BUB1B: variants seen among roughly 807,000 people sequenced by gnomAD.
BUB1B encodes the protein BUB1 mitotic checkpoint serine/threonine kinase B, also known as mitotic checkpoint serine/threonine-protein kinase BUB1 beta.
BUB1B carries 86 observed loss-of-function variants against 137.7 expected under a neutral mutation model. The ratio of observed to expected loss-of-function variants is 0.62; its 90% CI spans 0.52 to 0.75. The LOEUF (loss-of-function observed/expected upper bound fraction) is 0.75. BUB1B is among the 30% of genes least tolerant of loss of function. The pLI, the probability that BUB1B is intolerant of heterozygous loss-of-function variation, is 0.00. For synonymous variants in BUB1B, 420 were observed against 417.9 expected (o/e 1.00, Z -0.06); for missense variants, 1,130 against 1,236.9 (o/e 0.91, Z 1.30).
At chr15:40,212,258 C>T (rs895785272) in intron 18 of BUB1B, among the ~76,000 whole-genome samples, 2 of 152,226 alleles carry the variant, frequency 1.3e-5, no homozygotes, top group East Asian at 1.9e-4. Context: ...GTAAATGTAG[C>T]TCAGCTTTCT....
chr15:40,217,716 C>G (rs765965805), intron 21 of BUB1B, 49 bp downstream of exon 21: 2 of 1,599,532 alleles, frequency 1.3e-6, no homozygotes, highest in South Asian at 2.2e-5. Flanking sequence ...TTCTTAATCT[C>G]TTTATTATCT....
chr15:40,216,067 G>A (rs902772767), intron 20 of BUB1B, among the ~76,000 whole-genome samples: 2 of 152,106 alleles, frequency 1.3e-5, no homozygotes, highest in East Asian at 1.9e-4. Flanking sequence ...TGATTAGAGG[G>A]CTAGGACACC....
chr15:40,174,036 C>G (rs965680584), intron 4 of BUB1B: 4 of 392,870 alleles, frequency 1.0e-5, no homozygotes, highest in African/African-American at 8.6e-5. Flanking sequence ...GTTTATTTAA[C>G]TTTTAGATCT....
At position 40,164,908 on chromosome 15, in the gene BUB1B, A is replaced by ATAT; in HGVS notation, c.36-144_36-142dup. 3.8e-6 allele frequency: 4 copies of ATAT among 1,041,574 alleles called. No individual in the cohort carries two copies. The East Asian group carries it at 1.1e-4, about 28-fold the overall frequency. The allele number at this position is 1,041,574 out of a possible 1,614,324, so 64.5% of individuals were successfully genotyped here. A position where few individuals can be genotyped will look rare whatever the true frequency, so the allele number is the denominator to read the frequency against. ...AAACAGCTAACAAAGAAGCTTAGGCATATAATAATAATAATAATTATGTGT... is the reference window on the plus strand; with the variant it reads ...AAACAGCTAACAAAGAAGCTTAGGCATATTATAATAATAATAATAATTATGTGT... On this transcript the variant is annotated intron_variant, in intron 1 of 22. Transcript: ENST00000287598.
intron 5 of BUB1B, among the ~76,000 whole-genome samples, chr15:40,180,642 C>CTTTTTTTTTTT (rs71132149): frequency 1.2e-3 from 77 of 65,752 alleles, no homozygotes; most frequent in Non-Finnish European, 1.4e-3. Flanking sequence ...TTTTCTTTTT[C>CTTTTTTTTTTT]TTTTTTTTTT....
At chr15:40,201,904 C>G (rs764390901) in intron 12 of BUB1B, among the ~76,000 whole-genome samples, 1 of 152,016 alleles carries the variant, frequency 6.6e-6, no homozygotes, top group Non-Finnish European at 1.5e-5. Flanking sequence ...CTCCTGACCT[C>G]GTGATCCGCC....
Position 40,213,416 on chromosome 15 carries a change from C to T in BUB1B, c.2620C>T (p.His874Tyr), listed in dbSNP as rs1224008921. 6.2e-7 allele frequency: 1 copy of T among 1,614,046 alleles called. No individual in the cohort carries two copies. Among genetic ancestry groups the T allele is most frequent in the Admixed American group, 1.7e-5 (1 of 60,002 alleles). The change falls in exon 20 of 23, where the codon CAC becomes TAC. Residue 874 changes from histidine to tyrosine, a missense_variant. By Grantham distance (83) the His-to-Tyr change is moderately conservative. Transcript: ENST00000287598. ...YNLLTIVEML[H>Y]KAEIVHGDLS... Reference sequence around the variant, plus strand: ...CCTTTTGACAATAGTGGAGATGCTACACAAAGCAGAAATAGTCCATGGTGA... The same window carrying T: ...CCTTTTGACAATAGTGGAGATGCTATACAAAGCAGAAATAGTCCATGGTGA...
chr15:40,218,407 G>C (rs751064176), intron 21 of BUB1B, 49 bp from the exon 22 acceptor site: 6 of 1,355,664 alleles, frequency 4.4e-6, no homozygotes, highest in Non-Finnish European at 6.3e-6. Context: ...AAGCTGCCAT[G>C]GTAGAGGCAG....
intron 8 of BUB1B, among the ~76,000 whole-genome samples, chr15:40,186,009 T>A (rs2037356735): frequency 6.6e-6 from 1 of 152,244 alleles, no homozygotes; most frequent in Non-Finnish European, 1.5e-5. Context: ...TACTGAACAT[T>A]GCTTTAGGAA....
chr15:40,178,287 A>G (rs371766490), intron 5 of BUB1B, among the ~76,000 whole-genome samples: 5 of 152,020 alleles, frequency 3.3e-5, no homozygotes, highest in African/African-American at 4.8e-5. Flanking sequence ...TTAGTTCAAA[A>G]TATTTTCTAG....
chr15:40,172,157 G>GTAATAAAGTAAGAAA (rs2037170640), intron 4 of BUB1B, among the ~76,000 whole-genome samples: 1 of 149,370 alleles, frequency 6.7e-6, no homozygotes, highest in African/African-American at 2.5e-5. Context: ...CTTACTAAAA[G>GTAATAAAGTAAGAAA]TAATAAAGTA....
intron 8 of BUB1B, among the ~76,000 whole-genome samples, chr15:40,186,379 A>G (rs1375699882): frequency 6.6e-6 from 1 of 151,772 alleles, no homozygotes; most frequent in African/African-American, 2.4e-5. Flanking sequence ...GCTGGTGGTT[A>G]AATAAACAAG....
chr15:40,206,489 AGATT>A, intron 15 of BUB1B, 31 bp downstream of exon 15: 1 of 1,613,520 alleles, frequency 6.2e-7, no homozygotes, highest in Non-Finnish European at 8.5e-7. Context: ...TTTACAAACC[AGATT>A]GTTTACTCTC....
chr15:40,174,430 A>T (rs1443358240), intron 4 of BUB1B, among the ~76,000 whole-genome samples: 2 of 152,232 alleles, frequency 1.3e-5, no homozygotes, highest in Non-Finnish European at 2.9e-5. Flanking sequence ...CTAGACCATG[A>T]TTAAGGGCTG....
At position 40,170,605 on chromosome 15, in the gene BUB1B, A is replaced by G; in HGVS notation, c.308A>G (p.Glu103Gly). The change falls in exon 4 of 23, where the codon GAA becomes GGA. Residue 103 changes from glutamate to glycine, a missense_variant. Physicochemically the swap from Glu to Gly is moderately conservative, Grantham distance 98. Transcript: ENST00000287598. ...GAGAGTAATATGTCAACGTTATTAG[A>G]AAGAGCTGTAGAAGCACTACAAGGA... ...GKESNMSTLLERAVEALQGEK... is the reference protein window; with the variant it reads ...GKESNMSTLLGRAVEALQGEK... The G allele has an allele frequency of 6.2e-7, 1 of 1,613,196 alleles. No individual in the cohort carries two copies. Among genetic ancestry groups the G allele is most frequent in the Non-Finnish European group, 8.5e-7 (1 of 1,179,160 alleles).
At chr15:40,166,257 T>G in intron 2 of BUB1B, 1 of 363,186 alleles carries the variant, frequency 2.8e-6, no homozygotes, top group Non-Finnish European at 5.3e-6. Flanking sequence ...ATTTAGATTC[T>G]TCCAGTTTTG....
rs201514214 is a variant in BUB1B, at chr15:40,198,106, C to T, written c.1288+1332C>T. Among the ~76,000 whole-genome samples, 30 of 152,156 alleles carry T rather than the reference C, an allele frequency of 2.0e-4. 1 individual carries two copies. The East Asian group carries it at 5.8e-3, about 29-fold the overall frequency. Reference sequence around the variant, plus strand: ...CCTGGGCAACATGGTGAATTCTCATCTCTGTGGGAAAAAGAAAAGGTACAT... The same window carrying T: ...CCTGGGCAACATGGTGAATTCTCATTTCTGTGGGAAAAAGAAAAGGTACAT... On this transcript the variant is annotated intron_variant, in intron 9 of 22. Transcript: ENST00000287598.
At chr15:40,201,073 T>G in intron 12 of BUB1B, 93 bp downstream of exon 12, 1 of 1,213,106 alleles carries the variant, frequency 8.2e-7, no homozygotes, top group Non-Finnish European at 1.2e-6. Context: ...ATAAAGGGAT[T>G]GAAAGACAGG....
intron 4 of BUB1B, among the ~76,000 whole-genome samples, chr15:40,174,833 G>A (rs768792918): frequency 1.3e-5 from 2 of 152,122 alleles, no homozygotes; most frequent in African/African-American, 2.4e-5. Flanking sequence ...CCGTGGTGGC[G>A]GGCGCCTATA....
Sources: gnomAD v4.1 joint callset for allele counts (sites outside exome capture counted in the v4.1 genomes callset) on GRCh38, gnomAD v4.1.1 for gene constraint, MANE v1.5 for transcripts, NCBI Gene and HGNC (gene_info 2026-07-23, HGNC 2026-07-21) for gene names.